Variants in PKIG observed in about 807,000 individuals in gnomAD.
PKIG encodes the protein protein kinase (cAMP-dependent, catalytic) inhibitor gamma.
PKIG carries 1 observed loss-of-function variant against 6.8 expected under a neutral mutation model. The observed-to-expected ratio is 0.15, with a 90% CI of 0.05 to 0.69. PKIG has a LOEUF of 0.69. Among genes scored for constraint, PKIG ranks in the 30% least tolerant of loss-of-function variants. The pLI, the probability that PKIG is intolerant of heterozygous loss-of-function variation, is 0.82. For missense variants in PKIG, 77 were observed against 104.0 expected (o/e 0.74, Z 1.13); for synonymous variants, 39 against 43.0 (o/e 0.91, Z 0.36).
At chr20:44,605,281 GC>G (rs1355754413) in intron 2 of PKIG, among the ~76,000 whole-genome samples, 1 of 151,810 alleles carries the variant, frequency 6.6e-6, no homozygotes, top group Non-Finnish European at 1.5e-5. Context: ...GGTAGCAGGC[GC>G]CTGAGTCCCA....
At chr20:44,583,306 G>A (rs1483103419) in intron 1 of PKIG, among the ~76,000 whole-genome samples, 2 of 152,190 alleles carry the variant, frequency 1.3e-5, no homozygotes, top group African/African-American at 4.8e-5. Flanking sequence ...CTTTAACCTT[G>A]GGTTTGCGAT....
At chr20:44,612,538 C>T (rs2123472018) in intron 2 of PKIG, among the ~76,000 whole-genome samples, 1 of 152,238 alleles carries the variant, frequency 6.6e-6, no homozygotes, top group South Asian at 2.1e-4. Context: ...CATAGGTGCT[C>T]AATGAGAGAT....
intron 2 of PKIG, among the ~76,000 whole-genome samples, chr20:44,594,055 C>T (rs2065056203): frequency 6.6e-6 from 1 of 152,072 alleles, no homozygotes; most frequent in Non-Finnish European, 1.5e-5. Flanking sequence ...CATGTTTTAC[C>T]AAGGAGGAAA....
At chr20:44,566,942 A>G (rs1267689692) in intron 1 of PKIG, among the ~76,000 whole-genome samples, 1 of 152,242 alleles carries the variant, frequency 6.6e-6, no homozygotes, top group African/African-American at 2.4e-5. Context: ...ATGAATAGGC[A>G]TGTTCCATTC....
At chr20:44,588,076 A>G (rs1199133958) in intron 1 of PKIG, among the ~76,000 whole-genome samples, 2 of 152,256 alleles carry the variant, frequency 1.3e-5, no homozygotes, top group African/African-American at 4.8e-5. Context: ...AGATGGGGAC[A>G]GAGTCCTGTA....
intron 2 of PKIG, among the ~76,000 whole-genome samples, chr20:44,595,904 T>C (rs575489969): frequency 3.9e-5 from 6 of 152,350 alleles, no homozygotes; most frequent in Non-Finnish European, 7.3e-5. Context: ...TCAACATGTT[T>C]GAACATAGTA....
intron 1 of PKIG, among the ~76,000 whole-genome samples, chr20:44,538,068 A>C (rs571348895): frequency 6.6e-6 from 1 of 152,324 alleles, no homozygotes; most frequent in South Asian, 2.1e-4. Flanking sequence ...AATATAAGGT[A>C]TACAGTGTCA....
At chr20:44,601,212 C>T (rs1468604552) in intron 2 of PKIG, among the ~76,000 whole-genome samples, 7 of 152,250 alleles carry the variant, frequency 4.6e-5, no homozygotes, top group Admixed American at 4.6e-4. Flanking sequence ...AGCACCCTGA[C>T]CTTCCCTTCC....
chr20:44,566,661 C>T (rs1884936247), intron 1 of PKIG, among the ~76,000 whole-genome samples: 1 of 152,276 alleles, frequency 6.6e-6, no homozygotes, highest in East Asian at 1.9e-4. Context: ...GCCTGGCCAA[C>T]ATGGCGAAAT....
At chr20:44,609,438 G>A (rs772968569) in intron 2 of PKIG, among the ~76,000 whole-genome samples, 2 of 152,192 alleles carry the variant, frequency 1.3e-5, no homozygotes, top group African/African-American at 4.8e-5. Flanking sequence ...CACGGTGCAC[G>A]GAGGCCCTTC....
chr20:44,609,740 C>G (rs1338841532), intron 2 of PKIG, among the ~76,000 whole-genome samples: 1 of 152,140 alleles, frequency 6.6e-6, no homozygotes, highest in African/African-American at 2.4e-5. Context: ...GAGCCGAGGA[C>G]TCGGAGGCTC....
chr20:44,601,258 G>C (rs2065119255), intron 2 of PKIG, among the ~76,000 whole-genome samples: 1 of 152,336 alleles, frequency 6.6e-6, no homozygotes, highest in East Asian at 1.9e-4. Context: ...TTGGGTCTAG[G>C]CCTGGCAGGT....
intron 1 of PKIG, among the ~76,000 whole-genome samples, chr20:44,564,520 A>C (rs1210551788): frequency 6.6e-6 from 1 of 151,884 alleles, no homozygotes; most frequent in Admixed American, 6.6e-5. Flanking sequence ...TTTATGTATA[A>C]GCTCTCTCTA....
chr20:44,569,569 A>G (rs1300741890), intron 1 of PKIG, among the ~76,000 whole-genome samples: 2 of 152,144 alleles, frequency 1.3e-5, no homozygotes, highest in African/African-American at 2.4e-5. Flanking sequence ...ATACATAAAC[A>G]TGTAATTTTT....
At position 44,619,037 on chromosome 20, in the gene PKIG, A is replaced by G. The variant is rs2065299308; in HGVS notation, c.*673A>G. 1 of 153,816 alleles carries G rather than the reference A, an allele frequency of 6.5e-6. No homozygotes were observed. Among genetic ancestry groups the G allele is most frequent in the Non-Finnish European group, 1.5e-5 (1 of 68,918 alleles). The allele number at this position is 153,816 out of a possible 1,614,324, so 9.5% of individuals were successfully genotyped here. ...GAAATAAATGCCGATGATTTGTGTG[A>G]CTGGTTTAAGATTATTTCTCCTTAA... On this transcript the variant is annotated 3_prime_UTR_variant, in exon 4 of 4. Transcript: ENST00000372886.
chr20:44,608,799 C>CA (rs767428815), intron 2 of PKIG, among the ~76,000 whole-genome samples: 391 of 15,422 alleles, frequency 0.025, 2 homozygotes, highest in African/African-American at 0.081. Context: ...GACCCTGTCT[C>CA]AAAAAAAAAA....
At chr20:44,552,564 G>A (rs1217794666) in intron 1 of PKIG, among the ~76,000 whole-genome samples, 2 of 152,132 alleles carry the variant, frequency 1.3e-5, no homozygotes, top group African/African-American at 4.8e-5. Flanking sequence ...GGAATGAAAG[G>A]AGACAAGCAG....
At position 44,565,889 on chromosome 20, in the gene PKIG, C is replaced by T. The variant is rs946617471; in HGVS notation, c.-240-16696C>T. 5.3e-5 allele frequency among the ~76,000 whole-genome samples: 8 copies of T among 152,144 alleles called. No individual in the cohort carries two copies. The East Asian group carries it at 7.7e-4, about 15-fold the overall frequency. ...GCAATTCTCCCTCCTCAGCCTCTCG[C>T]GTAGCTGGGATTATAGGCACCCGCC... On this transcript the variant is annotated intron_variant, in intron 1 of 4. Coordinates refer to the PKIG transcript ENST00000372887.
Position 44,617,958 on chromosome 20 carries a change from A to ACTT in PKIG, c.152-326_152-324dup, listed in dbSNP as rs2065283735. ...GCTGAGCACCTGTGACACACTGGGG[A>ACTT]CTTAACATCTGGCCTCTCCCTCTGG... On this transcript the variant is annotated intron_variant, in intron 3 of 3. Transcript: ENST00000372886. Among the ~76,000 whole-genome samples the ACTT allele has an allele frequency of 2.6e-5, 4 of 152,034 alleles. No homozygotes were observed. The South Asian group carries it at 8.3e-4, about 31-fold the overall frequency.
Sources: allele counts gnomAD v4.1 joint callset (sites outside exome capture counted in the v4.1 genomes callset), GRCh38; gene constraint gnomAD v4.1.1; transcripts MANE v1.5; gene names NCBI Gene and HGNC (gene_info 2026-07-23, HGNC 2026-07-21).